KBTBD13: variants seen among roughly 807,000 people sequenced by gnomAD.
KBTBD13 encodes kelch repeat and BTB domain containing 13.
Under a neutral mutation model 25.4 loss-of-function variants are expected in KBTBD13, and 32 were observed. The ratio of observed to expected loss-of-function variants is 1.26; its 90% CI spans 0.95 to 1.69. The LOEUF (loss-of-function observed/expected upper bound fraction) is 1.69. Among genes scored for constraint, KBTBD13 ranks in the 40% most tolerant of loss-of-function variants. KBTBD13 has a pLI of 0.00. For missense variants in KBTBD13, 898 were observed against 679.5 expected, an observed-to-expected ratio of 1.32 and a Z score of -3.57; for synonymous variants, 436 against 329.8, an observed-to-expected ratio of 1.32 and a Z score of -3.49.
Position 65,079,158 on chromosome 15 carries a change from A to C in KBTBD13, c.*966A>C, listed in dbSNP as rs535758444. ...TTTTGCCATCACCACGGGGCAGTGG[A>C]CTGTTAACCCACATGACTTCAGGTC... On this transcript the variant is annotated 3_prime_UTR_variant, in exon 1 of 1. Transcript: ENST00000432196. 3.7e-4 allele frequency among the ~76,000 whole-genome samples: 56 copies of C among 152,276 alleles called. No individual in the cohort carries two copies. The highest frequency in any genetic ancestry group is 1.3e-3 in the African/African-American group (55 of 41,554).
In KBTBD13 at chr15:65,078,067, G is replaced by T. The variant is rs1220678073; in HGVS notation, c.1252G>T (p.Gly418Cys). Residue 418 changes from glycine to cysteine, a missense_variant, in exon 1 of 1, where the codon GGC (glycine) becomes TGC (cysteine). Transcript: ENST00000432196. ...GTTCACGCTGCTCTACGCCATCGAG[G>T]GCGGCACCTGGCGGCTGCTCAGGGA... ...RMFTLLYAIE[G>C]GTWRLLREKA... is the part of the protein sequence containing the mutation. 1 of 1,598,484 alleles carries T rather than the reference G, an allele frequency of 6.3e-7. No individual in the cohort carries two copies. Among genetic ancestry groups the T allele is most frequent in the South Asian group, 1.1e-5 (1 of 90,254 alleles).
chr15:65,077,372 C>A lies in KBTBD13; in HGVS notation c.557C>A (p.Ala186Glu). The A allele has an allele frequency of 1.3e-6, 2 of 1,510,738 alleles. No homozygotes were observed. The highest frequency in any genetic ancestry group is 1.4e-5 in the African/African-American group (1 of 71,542). 93.6% of individuals were successfully genotyped at this position (1,510,738 alleles called of 1,614,324 possible). Residue 186 changes from alanine to glutamate, a missense_variant, in exon 1 of 1, where the codon GCG becomes GAG. Physicochemically the swap from Ala to Glu is moderately radical, Grantham distance 107 (BLOSUM62 -1). Transcript: ENST00000432196. ...TLCYLDEEED[A>E]WRTLAALPLE... ...TGTTACCTGGACGAGGAAGAGGACG[C>A]GTGGCGCACGCTGGCTGCGCTGCCC...
rs2086995209 is a variant in KBTBD13 at position 65,077,595 on chromosome 15, C to G, written c.780C>G (p.Leu260=). The change falls in exon 1 of 1, where the codon CTC becomes CTG. Residue 260 remains leucine (L), a synonymous_variant. Transcript: ENST00000432196. ...DTALAGFDGR[L]YAIGGEFQRT... ...CGCTGGCCGGCTTCGACGGCCGCCT[C>G]TACGCCATCGGCGGCGAATTCCAGA... 2.5e-6 allele frequency: 4 copies of G among 1,574,574 alleles called. No homozygotes were observed. Among genetic ancestry groups the G allele is most frequent in the Non-Finnish European group, 3.4e-6 (4 of 1,167,602 alleles).
chr15:65,077,358 C>T lies in KBTBD13; in HGVS notation c.543C>T (p.Asp181=), dbSNP rs760224608. The T allele has an allele frequency of 1.3e-6, 2 of 1,500,258 alleles. No homozygotes were observed. Among genetic ancestry groups the T allele is most frequent in the Middle Eastern group, 1.9e-4 (1 of 5,344 alleles). The allele number at this position is 1,500,258 out of a possible 1,614,324, so 92.9% of individuals were successfully genotyped here. A position where few individuals can be genotyped will look rare whatever the true frequency, so the allele number is the denominator to read the frequency against. The change falls in exon 1 of 1, where the codon GAC becomes GAT. Residue 181 remains aspartate, a synonymous_variant. Transcript: ENST00000432196. ...EDASRTLCYL[D]EEEDAWRTLA... ...CCTCGCGCACGCTGTGTTACCTGGA[C>T]GAGGAAGAGGACGCGTGGCGCACGC...
chr15:65,076,945 C>G lies in KBTBD13; in HGVS notation c.130C>G (p.Arg44Gly), dbSNP rs776958724. Residue 44 changes from arginine (R) to glycine (G), a missense_variant, in exon 1 of 1, where the codon CGC becomes GGC. Physicochemically the swap from Arg to Gly is moderately radical, Grantham distance 125. Transcript: ENST00000432196. ...GLFRSGMRET[R>G]AAEVRLGVLS... The stretch of plus-strand genomic sequence containing the variant: ...CTTCCGCTCCGGCATGCGGGAGACC[C>G]GCGCAGCAGAGGTGCGCCTGGGCGT... The G allele has an allele frequency of 1.2e-5, 19 of 1,555,150 alleles. No individual in the cohort carries two copies. Among genetic ancestry groups the G allele is most frequent in the East Asian group, 2.4e-5 (1 of 42,212 alleles).
Position 65,079,282 on chromosome 15 carries a change from G to C in KBTBD13, c.*1090G>C, listed in dbSNP as rs1298586128. 6.6e-6 allele frequency among the ~76,000 whole-genome samples: 1 copy of C among 152,148 alleles called. No individual in the cohort carries two copies. The highest frequency in any genetic ancestry group is 1.5e-5 in the Non-Finnish European group (1 of 68,034). On this transcript the variant is annotated 3_prime_UTR_variant, in exon 1 of 1. Coordinates refer to ENST00000432196, the MANE Select transcript of KBTBD13 (RefSeq NM_001101362.3). Reference sequence around the variant, plus strand: ...CTCTTCCTGTCCTATTCTGCCCTTTGCAATTCCCTGGGCTGGAATGCCTAG... The same window carrying C: ...CTCTTCCTGTCCTATTCTGCCCTTTCCAATTCCCTGGGCTGGAATGCCTAG...
Position 65,079,725 on chromosome 15 carries a change from G to A in KBTBD13, c.*1533G>A, listed in dbSNP as rs1266264686. ...TTGGTCTCCATCCCCCAGGACCTGA[G>A]GCCCATGGGGAATCTTGGCCTCGTC... On this transcript the variant is annotated 3_prime_UTR_variant, in exon 1 of 1. Transcript: ENST00000432196. Among the ~76,000 whole-genome samples the A allele has an allele frequency of 1.3e-5, 2 of 152,186 alleles. No individual in the cohort carries two copies. The highest frequency in any genetic ancestry group is 2.9e-5 in the Non-Finnish European group (2 of 68,034).
At position 65,079,706 on chromosome 15, in the gene KBTBD13, T is replaced by A. The variant is rs189406063; in HGVS notation, c.*1514T>A. ...CTTCTCTGGGTGGTTCTCATTGGTC[T>A]CCATCCCCCAGGACCTGAGGCCCAT... On this transcript the variant is annotated 3_prime_UTR_variant, in exon 1 of 1. Coordinates refer to ENST00000432196, the MANE Select transcript of KBTBD13 (RefSeq NM_001101362.3). Among the ~76,000 whole-genome samples the A allele has an allele frequency of 1.6e-3, 240 of 152,300 alleles. 3 individuals are homozygous for A. Among genetic ancestry groups the A allele is most frequent in the African/African-American group, 5.7e-3 (235 of 41,580 alleles).
At position 65,077,126 on chromosome 15, in the gene KBTBD13, A is replaced by G. The variant is rs867791617; in HGVS notation, c.311A>G (p.Asp104Gly). Reference sequence around the variant, plus strand: ...TTTCTGGAGCACAACCTCACGTCGGACAACTGCGCATTGCTGTGCGACGCG... The same window carrying G: ...TTTCTGGAGCACAACCTCACGTCGGGCAACTGCGCATTGCTGTGCGACGCG... ...ARFLEHNLTS[D>G]NCALLCDAAA... is the part of the protein sequence containing the mutation. The change falls in exon 1 of 1, where the codon GAC becomes GGC. Residue 104 changes from aspartate to glycine, a missense_variant. Asp to Gly is a moderately conservative substitution (Grantham distance 94). Coordinates refer to ENST00000432196, the MANE Select transcript of KBTBD13 (RefSeq NM_001101362.3). The G allele has an allele frequency of 2.6e-6, 4 of 1,522,532 alleles. No individual in the cohort carries two copies. The highest frequency in any genetic ancestry group is 3.5e-6 in the Non-Finnish European group (4 of 1,139,700). The allele number at this position is 1,522,532 out of a possible 1,614,324, so 94.3% of individuals were successfully genotyped here. A position where few individuals can be genotyped will look rare whatever the true frequency, so the allele number is the denominator to read the frequency against.
Position 65,076,850 on chromosome 15 carries a change from G to A in KBTBD13, c.35G>A (p.Trp12Ter). Residue 12 changes from tryptophan (W) to a stop codon, truncating the protein, a stop_gained, in exon 1 of 1, where the codon TGG (tryptophan) becomes TAG (stop). Coordinates refer to ENST00000432196, the MANE Select transcript of KBTBD13 (RefSeq NM_001101362.3). LOFTEE classifies it high-confidence loss of function. ...ARGPQTLVQV[W>*]VGGQLFQADR... ...GGTCCACAGACCCTGGTGCAGGTGT[G>A]GGTGGGCGGCCAGCTCTTCCAAGCC... 1.9e-6 allele frequency: 3 copies of A among 1,560,984 alleles called. No individual in the cohort carries two copies. Among genetic ancestry groups the A allele is most frequent in the Non-Finnish European group, 1.7e-6 (2 of 1,160,888 alleles).
rs771846259 is a variant in KBTBD13 at position 65,078,180 on chromosome 15, G to C, written c.1365G>C (p.Thr455=). The C allele has an allele frequency of 6.5e-6, 10 of 1,540,152 alleles. No individual in the cohort carries two copies. The East Asian group carries it at 2.4e-4, about 37-fold the overall frequency. The change falls in exon 1 of 1, where the codon ACG becomes ACC. Residue 455 remains threonine, a synonymous_variant. Transcript: ENST00000432196. Reference sequence around the variant, plus strand: ...CTCCTGGGCCTGTGACTTCGACAACGGCAGAACTGTGACCTCTGGGCTGGC... The same window carrying C: ...CTCCTGGGCCTGTGACTTCGACAACCGCAGAACTGTGACCTCTGGGCTGGC... The part of the protein sequence containing the change: ...PGAPGPVTST[T]AEL
chr15:65,077,300 C>A lies in KBTBD13; in HGVS notation c.485C>A (p.Thr162Lys), dbSNP rs1269389678. Residue 162 changes from threonine to lysine, a missense_variant, in exon 1 of 1, where the codon ACG becomes AAG. Physicochemically the swap from Thr to Lys is moderately conservative, Grantham distance 78. Transcript: ENST00000432196. ...LRPSSYAAVS[T>K]HTPAPGFLED... ...CCCAGCAGCTACGCGGCCGTGAGCA[C>A]GCACACGCCCGCGCCCGGCTTCCTG... 5.7e-6 allele frequency: 8 copies of A among 1,406,806 alleles called. No individual in the cohort carries two copies. The highest frequency in any genetic ancestry group is 7.4e-6 in the Non-Finnish European group (8 of 1,085,748). The allele number at this position is 1,406,806 out of a possible 1,614,324, so 87.1% of individuals were successfully genotyped here. A position where few individuals can be genotyped will look rare whatever the true frequency, so the allele number is the denominator to read the frequency against.
chr15:65,077,479 A>G lies in KBTBD13; in HGVS notation c.664A>G (p.Lys222Glu). The change falls in exon 1 of 1, where the codon AAG (lysine) becomes GAG (glutamate). Residue 222 changes from lysine (K) to glutamate (E), a missense_variant. Physicochemically the swap from Lys to Glu is moderately conservative, Grantham distance 56 (BLOSUM62 1). Coordinates refer to ENST00000432196, the MANE Select transcript of KBTBD13 (RefSeq NM_001101362.3). ...CGTGGGGGGCGTGCGCGGCGCCAGC[A>G]AGGAGGTGGTAGAGCTGGGCTTCTG... ...YIVGGVRGAS[K>E]EVVELGFCYD... is the part of the protein sequence containing the mutation. 6.6e-7 allele frequency: 1 copy of G among 1,523,782 alleles called. No homozygotes were observed. Among genetic ancestry groups the G allele is most frequent in the Non-Finnish European group, 8.8e-7 (1 of 1,138,456 alleles). The allele number at this position is 1,523,782 out of a possible 1,614,324, so 94.4% of individuals were successfully genotyped here.
chr15:65,077,994 C>A lies in KBTBD13; in HGVS notation c.1179C>A (p.Leu393=). The change falls in exon 1 of 1, where the codon CTC becomes CTA. Residue 393 remains leucine, a synonymous_variant. Transcript: ENST00000432196. ...PGQFVNSKGA[L]FTAVVRGDTV... is the part of the protein sequence containing the mutation. ...AGTTCGTCAACAGCAAGGGAGCGCT[C>A]TTCACGGCCGTGGTGCGCGGTGACA... 6.2e-7 allele frequency: 1 copy of A among 1,609,326 alleles called. No individual in the cohort carries two copies. Among genetic ancestry groups the A allele is most frequent in the South Asian group, 1.1e-5 (1 of 91,056 alleles).
In KBTBD13 at chr15:65,077,473, G is replaced by T. The variant is rs779063501; in HGVS notation, c.658G>T (p.Ala220Ser). 4 of 1,524,446 alleles carry T rather than the reference G, an allele frequency of 2.6e-6. No individual in the cohort carries two copies. The African/African-American group carries it at 5.5e-5, about 21-fold the overall frequency. 94.4% of individuals were successfully genotyped at this position (1,524,446 alleles called of 1,614,324 possible). ...KLYIVGGVRG[A>S]SKEVVELGFC... ...TTACATCGTGGGGGGCGTGCGCGGC[G>T]CCAGCAAGGAGGTGGTAGAGCTGGG... is the stretch of plus-strand genomic sequence containing the variant. Residue 220 changes from alanine to serine, a missense_variant, in exon 1 of 1, where the codon GCC becomes TCC. Coordinates refer to ENST00000432196, the MANE Select transcript of KBTBD13 (RefSeq NM_001101362.3).
Position 65,077,828 on chromosome 15 carries a change from G to T in KBTBD13, c.1013G>T (p.Arg338Leu). 1 of 1,607,676 alleles carries T rather than the reference G, an allele frequency of 6.2e-7. No individual in the cohort carries two copies. Among genetic ancestry groups the T allele is most frequent in the Non-Finnish European group, 8.5e-7 (1 of 1,179,130 alleles). ...DAWLPVAELR[R>L]PQSYGHCMVA... Reference sequence around the variant, plus strand: ...TGGCTGCCAGTGGCCGAGCTGCGGCGTCCGCAGAGCTATGGCCACTGCATG... The same window carrying T: ...TGGCTGCCAGTGGCCGAGCTGCGGCTTCCGCAGAGCTATGGCCACTGCATG... The change falls in exon 1 of 1, where the codon CGT becomes CTT. Residue 338 changes from arginine to leucine, a missense_variant. By Grantham distance (102) the Arg-to-Leu change is moderately radical (BLOSUM62 -2). Coordinates refer to ENST00000432196, the MANE Select transcript of KBTBD13 (RefSeq NM_001101362.3).
chr15:65,078,426 G>T lies in KBTBD13; in HGVS notation c.*234G>T, dbSNP rs1426943320. Among the ~76,000 whole-genome samples, 4 of 152,192 alleles carry T rather than the reference G, an allele frequency of 2.6e-5. No individual in the cohort carries two copies. Among genetic ancestry groups the T allele is most frequent in the African/African-American group, 9.6e-5 (4 of 41,456 alleles). On this transcript the variant is annotated 3_prime_UTR_variant, in exon 1 of 1. Coordinates refer to ENST00000432196, the MANE Select transcript of KBTBD13 (RefSeq NM_001101362.3). ...GGTGGGTCACAATGTCAGTGAACAGGGTAGGGGGAGTTGGGATTTGAATAA... is the reference window on the plus strand; with the variant it reads ...GGTGGGTCACAATGTCAGTGAACAGTGTAGGGGGAGTTGGGATTTGAATAA...
chr15:65,078,763 C>T lies in KBTBD13; in HGVS notation c.*571C>T, dbSNP rs925880085. Among the ~76,000 whole-genome samples the T allele has an allele frequency of 6.6e-6, 1 of 151,902 alleles. No individual in the cohort carries two copies. The highest frequency in any genetic ancestry group is 2.4e-5 in the African/African-American group (1 of 41,332). ...AAATAAAGTGCTGAAGAAATCAGGG[C>T]AAAGGGAAAATAGGAAGAGAAAAAA... On this transcript the variant is annotated 3_prime_UTR_variant, in exon 1 of 1. Coordinates refer to ENST00000432196, the MANE Select transcript of KBTBD13 (RefSeq NM_001101362.3).
At position 65,077,067 on chromosome 15, in the gene KBTBD13, CG is replaced by C; in HGVS notation, c.253del (p.Ala85ProfsTer76). ...ACGAGCTGCTGCAGGCCGTGGAGTG[CG>C]CCGCCTTCCTCCAGGCGCCGGCGCT... ...EDELLQAVEC[A>X]AFLQAPALAR... On this transcript the variant is annotated frameshift_variant, in exon 1 of 1. Coordinates refer to ENST00000432196, the MANE Select transcript of KBTBD13 (RefSeq NM_001101362.3). LOFTEE classifies it high-confidence loss of function. The C allele has an allele frequency of 6.6e-7, 1 of 1,514,648 alleles. No homozygotes were observed. The highest frequency in any genetic ancestry group is 8.8e-7 in the Non-Finnish European group (1 of 1,133,662). 93.8% of individuals were successfully genotyped at this position (1,514,648 alleles called of 1,614,324 possible).
Sources: allele counts gnomAD v4.1 joint callset (sites outside exome capture counted in the v4.1 genomes callset), GRCh38; gene constraint gnomAD v4.1.1; transcripts MANE v1.5; gene names NCBI Gene and HGNC (gene_info 2026-07-23, HGNC 2026-07-21).